GOLIM4: variants seen among roughly 807,000 people sequenced by gnomAD.
GOLIM4 encodes the protein golgi integral membrane protein 4.
GOLIM4 carries 71 observed loss-of-function variants against 107.4 expected under a neutral mutation model. The observed-to-expected ratio is 0.66, with a 90% CI of 0.55 to 0.81. The LOEUF (loss-of-function observed/expected upper bound fraction) is 0.81. Among genes scored for constraint, GOLIM4 ranks in the 30% least tolerant of loss-of-function variants. The pLI is 0.00. For synonymous variants in GOLIM4, 327 were observed against 294.8 expected (o/e 1.11, Z -1.12); for missense variants, 830 against 826.1 (o/e 1.00, Z -0.06).
At chr3:168,039,170 A>G (rs2108240779) in intron 7 of GOLIM4, among the ~76,000 whole-genome samples, 1 of 152,152 alleles carries the variant, frequency 6.6e-6, no homozygotes, top group South Asian at 2.1e-4. Context: ...TAGTTCTGAC[A>G]CTTTTTTTTA....
intron 1 of GOLIM4, among the ~76,000 whole-genome samples, chr3:168,084,955 A>AT (rs1486375107): frequency 6.6e-6 from 1 of 152,032 alleles, no homozygotes; most frequent in African/African-American, 2.4e-5. Flanking sequence ...TTACATGGAA[A>AT]TTAAAAAAAA....
Position 168,032,949 on chromosome 3 carries a change from CAGA to C in GOLIM4, c.844-100_844-98del, listed in dbSNP as rs552558417. On this transcript the variant is annotated intron_variant, in intron 8 of 15. Transcript: ENST00000470487. ...ATGTCTATGGGGCATGGGGCTACAA[CAGA>C]AGAAGGTGTCTAGAAATATATATAG... is the stretch of plus-strand genomic sequence containing the variant. 3.6e-4 allele frequency: 324 copies of C among 889,896 alleles called. 3 individuals carry two copies. In the African/African-American group the frequency reaches 5.1e-3, roughly 14 times the overall value. 55.1% of individuals were successfully genotyped at this position (889,896 alleles called of 1,614,324 possible). A position where few individuals can be genotyped will look rare whatever the true frequency, so the allele number is the denominator to read the frequency against.
intron 1 of GOLIM4, among the ~76,000 whole-genome samples, chr3:168,064,361 CAAAT>C (rs1404177061): frequency 1.3e-5 from 2 of 152,142 alleles, no homozygotes; most frequent in African/African-American, 4.8e-5. Flanking sequence ...ATTACACAAA[CAAAT>C]AAATCCAAGA....
intron 1 of GOLIM4, among the ~76,000 whole-genome samples, chr3:168,052,248 A>C (rs564809540): frequency 6.6e-6 from 1 of 152,316 alleles, no homozygotes; most frequent in Admixed American, 6.5e-5. Flanking sequence ...TAAATAGCTT[A>C]AAAGTGCCAG....
At chr3:168,014,073 A>G (rs1717220975) in intron 14 of GOLIM4, among the ~76,000 whole-genome samples, 1 of 139,130 alleles carries the variant, frequency 7.2e-6, no homozygotes, top group Admixed American at 6.9e-5. Flanking sequence ...GACACAAAAA[A>G]CCCTTCAAAA....
At position 168,024,612 on chromosome 3, in the gene GOLIM4, G is replaced by A. The variant is rs1560072481; in HGVS notation, c.1792-18C>T. On this transcript the variant is annotated intron_variant, in intron 13 of 15. Coordinates refer to ENST00000470487, the MANE Select transcript of GOLIM4 (RefSeq NM_014498.5). ...CCTGCCATCTGTTGGAAACAAAAGG[G>A]CAGGTTCATGTTACTGTACATCAGA... The A allele has an allele frequency of 1.8e-5, 28 of 1,598,330 alleles. No individual in the cohort carries two copies. The highest frequency in any genetic ancestry group is 2.3e-5 in the Non-Finnish European group (27 of 1,165,796).
At chr3:168,065,500 G>A (rs1720502922) in intron 1 of GOLIM4, among the ~76,000 whole-genome samples, 1 of 152,148 alleles carries the variant, frequency 6.6e-6, no homozygotes, top group African/African-American at 2.4e-5. Flanking sequence ...TTTTCTGTAT[G>A]TATGACTGTG....
chr3:168,092,286 T>C (rs1398225860), intron 1 of GOLIM4, among the ~76,000 whole-genome samples: 4 of 152,212 alleles, frequency 2.6e-5, no homozygotes, highest in Admixed American at 2.6e-4. Context: ...GATAAATAGA[T>C]GACTGATTGC....
rs1722166663 is a variant in GOLIM4, at chr3:168,095,851, C to T, written c.-566G>A. 2 of 152,568 alleles carry T rather than the reference C, an allele frequency of 1.3e-5. No homozygotes were observed. Among genetic ancestry groups the T allele is most frequent in the African/African-American group, 4.8e-5 (2 of 41,580 alleles). 9.5% of individuals were successfully genotyped at this position (152,568 alleles called of 1,614,324 possible). A position where few individuals can be genotyped will look rare whatever the true frequency, so the allele number is the denominator to read the frequency against. On this transcript the variant is annotated 5_prime_UTR_variant, in exon 1 of 16. It adds an upstream start codon to the 5' untranslated region. Coordinates refer to ENST00000470487, the MANE Select transcript of GOLIM4 (RefSeq NM_014498.5). ...TTTTGGGGACGGCACAGCGGTGTCACTGACGGGTCGGCTGGTGCCTCTGCC... is the reference window on the plus strand; with the variant it reads ...TTTTGGGGACGGCACAGCGGTGTCATTGACGGGTCGGCTGGTGCCTCTGCC...
chr3:168,061,971 A>G (rs1465416709), intron 1 of GOLIM4, among the ~76,000 whole-genome samples: 1 of 152,222 alleles, frequency 6.6e-6, no homozygotes, highest in African/African-American at 2.4e-5. Context: ...ACTTTTGTGA[A>G]TGTATAATTC....
intron 1 of GOLIM4, among the ~76,000 whole-genome samples, chr3:168,072,279 G>A (rs1451855612): frequency 6.6e-6 from 1 of 151,814 alleles, no homozygotes; most frequent in Non-Finnish European, 1.5e-5. Context: ...AATTCAACCT[G>A]GTGAATGACT....
At chr3:168,089,559 CCA>C (rs1038497627) in intron 1 of GOLIM4, among the ~76,000 whole-genome samples, 12 of 152,290 alleles carry the variant, frequency 7.9e-5, no homozygotes, top group African/African-American at 2.6e-4. Context: ...TTGCCCATGA[CCA>C]CACAGCTAGC....
At chr3:168,088,756 A>G (rs1316477053) in intron 1 of GOLIM4, among the ~76,000 whole-genome samples, 1 of 152,130 alleles carries the variant, frequency 6.6e-6, no homozygotes, top group Non-Finnish European at 1.5e-5. Context: ...GATTCACACC[A>G]TATTTAGTCA....
At position 168,015,698 on chromosome 3, in the gene GOLIM4, G is replaced by C. The variant is rs182877441; in HGVS notation, c.1861-4875C>G. Among the ~76,000 whole-genome samples, 4 of 135,904 alleles carry C rather than the reference G, an allele frequency of 2.9e-5. 1 individual carries two copies. The highest frequency in any genetic ancestry group is 1.1e-4 in the African/African-American group (3 of 26,992). The allele number at this position is 135,904 out of a possible 152,430, so 89.2% of individuals were successfully genotyped here. On this transcript the variant is annotated intron_variant, in intron 14 of 15. Coordinates refer to ENST00000470487, the MANE Select transcript of GOLIM4 (RefSeq NM_014498.5). ...GTACTGGTACCAAAAGAGAGATATA[G>C]ATCAATGGAACAGAACAGAGCCCTC...
chr3:168,024,558 C>T lies in GOLIM4; in HGVS notation c.1828G>A (p.Asp610Asn), dbSNP rs145555095. ...TCTGCCTCTTCCTGGTACTGTTCATCAACATTGTCCTCCTGCTGGTCTGGA... is the reference window on the plus strand; with the variant it reads ...TCTGCCTCTTCCTGGTACTGTTCATTAACATTGTCCTCCTGCTGGTCTGGA... Reference protein sequence around the residue: ...GNPDQQEDNVDEQYQEEAEEE... With the variant: ...GNPDQQEDNVNEQYQEEAEEE... Residue 610 changes from aspartate to asparagine, a missense_variant, in exon 14 of 16, where the codon GAT becomes AAT. By Grantham distance (23) the Asp-to-Asn change is conservative. Transcript: ENST00000470487. The T allele has an allele frequency of 3.5e-5, 57 of 1,613,378 alleles. No individual in the cohort carries two copies. Among genetic ancestry groups the T allele is most frequent in the Middle Eastern group, 1.6e-4 (1 of 6,084 alleles).
chr3:168,027,834 T>C lies in GOLIM4; in HGVS notation c.1517A>G (p.Tyr506Cys), dbSNP rs780290502. Reference sequence around the variant, plus strand: ...ATCTTGGTGCTGGTTGTCTCTTTCATAGGCTAGCAAATCAAAGGAACTAAA... The same window carrying C: ...ATCTTGGTGCTGGTTGTCTCTTTCACAGGCTAGCAAATCAAAGGAACTAAA... ...DQGIQGEEGA[Y>C]ERDNQHQDEA... Residue 506 changes from tyrosine to cysteine, a missense_variant, in exon 12 of 16, where the codon TAT becomes TGT. Transcript: ENST00000470487. 94 of 1,596,804 alleles carry C rather than the reference T, an allele frequency of 5.9e-5. No individual in the cohort carries two copies. Among genetic ancestry groups the C allele is most frequent in the Non-Finnish European group, 7.1e-5 (83 of 1,164,530 alleles).
intron 2 of GOLIM4, among the ~76,000 whole-genome samples, chr3:168,047,917 G>T (rs1400839316): frequency 6.6e-6 from 1 of 152,074 alleles, no homozygotes; most frequent in Non-Finnish European, 1.5e-5. Context: ...TCATATTCTG[G>T]ACAATGCATC....
intron 1 of GOLIM4, among the ~76,000 whole-genome samples, chr3:168,080,282 G>A (rs1267608251): frequency 6.6e-6 from 1 of 152,086 alleles, no homozygotes; most frequent in Non-Finnish European, 1.5e-5. Flanking sequence ...TAAATATCTG[G>A]TAGCCCCATT....
Position 168,036,868 on chromosome 3 carries a change from C to T in GOLIM4, c.811G>A (p.Ala271Thr), listed in dbSNP as rs751158252. The T allele has an allele frequency of 3.7e-6, 6 of 1,613,654 alleles. No individual in the cohort carries two copies. The highest frequency in any genetic ancestry group is 5.1e-6 in the Non-Finnish European group (6 of 1,179,678). The change falls in exon 8 of 16, where the codon GCA becomes ACA. Residue 271 changes from alanine to threonine, a missense_variant. Physicochemically the swap from Ala to Thr is moderately conservative, Grantham distance 58. Transcript: ENST00000470487. ...ACCTCTCGGGTTGGCTTCTCCCTTGCTGTGTTGTAACCTTGTGGAGAATGT... is the reference window on the plus strand; with the variant it reads ...ACCTCTCGGGTTGGCTTCTCCCTTGTTGTGTTGTAACCTTGTGGAGAATGT... ...VAHSPQGYNT[A>T]REKPTREVQE...
Sources: allele counts gnomAD v4.1 joint callset (sites outside exome capture counted in the v4.1 genomes callset), GRCh38; gene constraint gnomAD v4.1.1; transcripts MANE v1.5; gene names NCBI Gene and HGNC (gene_info 2026-07-23, HGNC 2026-07-21).